TEX35: variants seen among roughly 807,000 people sequenced by gnomAD.
TEX35 encodes the protein testis expressed 35.
In TEX35, 26 loss-of-function variants were observed where a neutral mutation model predicts 31.9. The observed-to-expected ratio is 0.81, with a 90% CI of 0.60 to 1.13. The LOEUF is 1.13. TEX35 is among the 50% of genes most tolerant of loss of function. The pLI is 0.00. For synonymous variants in TEX35, 87 were observed against 90.7 expected, an observed-to-expected ratio of 0.96 and a Z score of 0.23; for missense variants, 278 against 273.5, an observed-to-expected ratio of 1.02 and a Z score of -0.12.
chr1:178,514,671 A>G (rs1650008102), intron 2 of TEX35, 29 bp from the exon 3 acceptor site: 1 of 1,611,066 alleles, frequency 6.2e-7, no homozygotes, highest in African/African-American at 1.3e-5. Flanking sequence ...GCAATTCCCA[A>G]AGGTCTGTGT....
rs777206782 is a variant in TEX35 at position 178,521,282 on chromosome 1, A to C, written c.586+18A>C. ...CAATCGGGGTAGGTAGATTCATACAAGATGTGCCTTTTCTCGATCAGGTGC... is the reference window on the plus strand; with the variant it reads ...CAATCGGGGTAGGTAGATTCATACACGATGTGCCTTTTCTCGATCAGGTGC... On this transcript the variant is annotated intron_variant, in intron 8 of 8. Transcript: ENST00000319416. 6 of 1,614,152 alleles carry C rather than the reference A, an allele frequency of 3.7e-6. No individual in the cohort carries two copies. The highest frequency in any genetic ancestry group is 4.2e-6 in the Non-Finnish European group (5 of 1,179,954).
At position 178,522,617 on chromosome 1, in the gene TEX35, G is replaced by T; in HGVS notation, c.*177G>T. On this transcript the variant is annotated 3_prime_UTR_variant, in exon 9 of 9. Coordinates refer to ENST00000319416, the MANE Select transcript of TEX35 (RefSeq NM_032126.5). ...GTTTCATCTCTTTGCTAAGCTGGCT[G>T]CTTCTACCATCTAATAAATAATTGG... 1 of 1,289,238 alleles carries T rather than the reference G, an allele frequency of 7.8e-7. No homozygotes were observed. The highest frequency in any genetic ancestry group is 9.8e-7 in the Non-Finnish European group (1 of 1,018,034). 79.9% of individuals were successfully genotyped at this position (1,289,238 alleles called of 1,614,324 possible). A position where few individuals can be genotyped will look rare whatever the true frequency, so the allele number is the denominator to read the frequency against.
intron 7 of TEX35, 44 bp from the exon 8 acceptor site, chr1:178,521,178 C>T: frequency 6.2e-7 from 1 of 1,613,734 alleles, no homozygotes; most frequent in South Asian, 1.1e-5. Flanking sequence ...CCTTCTTGGA[C>T]CAGGGGAAAT....
At chr1:178,515,688 T>C (rs1650049850) in intron 3 of TEX35, among the ~76,000 whole-genome samples, 171 bp from the exon 4 acceptor site, 1 of 152,206 alleles carries the variant, frequency 6.6e-6, no homozygotes, top group Non-Finnish European at 1.5e-5. Flanking sequence ...ATTACAGGTG[T>C]GAGCCAGTGC....
chr1:178,520,945 G>A lies in TEX35; in HGVS notation c.543+71G>A, dbSNP rs781491153. 9.4e-6 allele frequency: 15 copies of A among 1,591,724 alleles called. No homozygotes were observed. In the East Asian group the frequency reaches 1.1e-4, roughly 12 times the overall value. Reference sequence around the variant, plus strand: ...GCTCCGGCTCCCTGGTGACTTCCCCGAGCTTGTGCTGTATCATAGTGAAGG... The same window carrying A: ...GCTCCGGCTCCCTGGTGACTTCCCCAAGCTTGTGCTGTATCATAGTGAAGG... On this transcript the variant is annotated intron_variant, in intron 7 of 8. Transcript: ENST00000319416.
At chr1:178,515,807 C>T in intron 3 of TEX35, 52 bp from the exon 4 acceptor site, 2 of 1,442,372 alleles carry the variant, frequency 1.4e-6, no homozygotes, top group Non-Finnish European at 1.9e-6. Flanking sequence ...ATGGTTTCCC[C>T]TCCATCCTAG....
intron 5 of TEX35, 53 bp downstream of exon 5, chr1:178,516,727 G>T: frequency 7.5e-7 from 1 of 1,329,806 alleles, no homozygotes. Flanking sequence ...GGAAACTGTG[G>T]AAGAGACACC....
intron 8 of TEX35, chr1:178,521,886 G>A (rs1650299007): frequency 1.4e-6 from 2 of 1,427,708 alleles, no homozygotes; most frequent in African/African-American, 1.4e-5. Context: ...TTCTATATCA[G>A]TGTATTTCAG....
chr1:178,516,478 G>C (rs1034058437), intron 4 of TEX35, 137 bp from the exon 5 acceptor site: 2 of 667,986 alleles, frequency 3.0e-6, no homozygotes, highest in Admixed American at 2.6e-5. Flanking sequence ...TGAGAAGAAA[G>C]TGGCTCTAAC....
At chr1:178,519,542 T>C (rs1396883403) in intron 5 of TEX35, among the ~76,000 whole-genome samples, 2 of 152,232 alleles carry the variant, frequency 1.3e-5, no homozygotes, top group Admixed American at 6.5e-5. Context: ...AAATTTGTAC[T>C]AACATTTAAA....
At chr1:178,519,282 G>A (rs1042268882) in intron 5 of TEX35, among the ~76,000 whole-genome samples, 1 of 152,220 alleles carries the variant, frequency 6.6e-6, no homozygotes, top group Non-Finnish European at 1.5e-5. Flanking sequence ...CTGAAGTCTT[G>A]AGAGGCAAGC....
At chr1:178,514,791 A>G (rs1482569412) in intron 3 of TEX35, 23 bp downstream of exon 3, 4 of 1,607,910 alleles carry the variant, frequency 2.5e-6, no homozygotes, top group Non-Finnish European at 3.4e-6. Context: ...ACTTGGAGGC[A>G]TGTCTATATT....
chr1:178,516,920 C>T (rs1650099048), intron 5 of TEX35, among the ~76,000 whole-genome samples: 1 of 152,182 alleles, frequency 6.6e-6, no homozygotes, highest in South Asian at 2.1e-4. Context: ...TCAAGTTGAG[C>T]CTTGAAGACT....
At chr1:178,523,219 C>T (rs114180506), downstream of TEX35, 77 of 684,454 alleles carry the variant, frequency 1.1e-4, no homozygotes, top group African/African-American at 4.6e-4. Context: ...AGGTTGCTTC[C>T]GAATCCTGGC....
Position 178,516,643 on chromosome 1 carries a change from A to C in TEX35, c.245A>C (p.Asp82Ala). 1 of 1,613,716 alleles carries C rather than the reference A, an allele frequency of 6.2e-7. No homozygotes were observed. The change falls in exon 5 of 9, where the codon GAT becomes GCT. Residue 82 changes from aspartate to alanine, a missense_variant. Coordinates refer to ENST00000319416, the MANE Select transcript of TEX35 (RefSeq NM_032126.5). ...AAGGATCTAATGGACAAGGATTTTG[A>C]TAAACTTCACGAATTTGTGGAAATT... is the stretch of plus-strand genomic sequence containing the variant. ...QIKDLMDKDF[D>A]KLHEFVEIMK... is the part of the protein sequence containing the mutation.
At position 178,521,445 on chromosome 1, in the gene TEX35, G is replaced by T. The variant is rs996395553; in HGVS notation, c.586+181G>T. 5 of 1,012,786 alleles carry T rather than the reference G, an allele frequency of 4.9e-6. No individual in the cohort carries two copies. The African/African-American group carries it at 8.0e-5, about 16-fold the overall frequency. The allele number at this position is 1,012,786 out of a possible 1,614,324, so 62.7% of individuals were successfully genotyped here. ...TACAGGATGTGGCACCAGGAAGGAG[G>T]ACTTGGGTCACCCAGCCTAGAGGCT... On this transcript the variant is annotated intron_variant, in intron 8 of 8. Coordinates refer to ENST00000319416, the MANE Select transcript of TEX35 (RefSeq NM_032126.5).
rs1352331179 is a variant in TEX35, at chr1:178,522,577, C to T, written c.*137C>T. ...TGATGGGATTTCATATTTTATTTCA[C>T]ACCAGTTCCTCCTTGTTTCATCTCT... On this transcript the variant is annotated 3_prime_UTR_variant, in exon 9 of 9. Transcript: ENST00000319416. 9 of 1,343,112 alleles carry T rather than the reference C, an allele frequency of 6.7e-6. No individual in the cohort carries two copies. Among genetic ancestry groups the T allele is most frequent in the Non-Finnish European group, 8.6e-6 (9 of 1,044,258 alleles). The allele number at this position is 1,343,112 out of a possible 1,614,324, so 83.2% of individuals were successfully genotyped here. A position where few individuals can be genotyped will look rare whatever the true frequency, so the allele number is the denominator to read the frequency against.
At chr1:178,514,878 G>A in intron 3 of TEX35, 110 bp downstream of exon 3, 2 of 868,874 alleles carry the variant, frequency 2.3e-6, no homozygotes, top group African/African-American at 1.7e-5. Flanking sequence ...TCTTACATAG[G>A]CACAGTGCAA....
chr1:178,513,488 A>G (rs1376357449), intron 1 of TEX35, among the ~76,000 whole-genome samples: 2 of 152,318 alleles, frequency 1.3e-5, no homozygotes, highest in South Asian at 2.1e-4. Flanking sequence ...CTCCAAGACC[A>G]CTCATGGTTC....
Sources: allele counts gnomAD v4.1 joint callset (sites outside exome capture counted in the v4.1 genomes callset), GRCh38; gene constraint gnomAD v4.1.1; transcripts MANE v1.5; gene names NCBI Gene and HGNC (gene_info 2026-07-23, HGNC 2026-07-21).